The following VPS8 variants were observed in gnomAD, a reference collection of about 807,000 sequenced individuals.
VPS8 encodes the protein vacuolar protein sorting-associated protein 8 homolog.
VPS8 carries 129 observed loss-of-function variants against 216.4 expected under a neutral mutation model. That is an observed-to-expected ratio of 0.60 (90% confidence interval 0.52 to 0.69). The LOEUF (loss-of-function observed/expected upper bound fraction) is 0.69, where lower values mean the gene tolerates loss of function less well. Ranked by LOEUF, VPS8 falls within the 30% of genes least tolerant of loss-of-function variation. VPS8 has a pLI of 0.00. For synonymous variants in VPS8, 571 were observed against 565.4 expected, an observed-to-expected ratio of 1.01 and a Z score of -0.14; for missense variants, 1,531 against 1,683.5, an observed-to-expected ratio of 0.91 and a Z score of 1.59.
intron 45 of VPS8, among the ~76,000 whole-genome samples, chr3:185,016,672 C>A (rs1274426869): frequency 1.3e-5 from 2 of 152,178 alleles, no homozygotes; most frequent in Non-Finnish European, 2.9e-5. Context: ...GCTGTAATGT[C>A]CCCATTGGTT....
At chr3:184,820,282 C>G (rs776633907) in intron 1 of VPS8, among the ~76,000 whole-genome samples, 2 of 152,162 alleles carry the variant, frequency 1.3e-5, no homozygotes, top group African/African-American at 2.4e-5. Flanking sequence ...GTTTCCTTGT[C>G]TTTCGCAGCT....
chr3:185,011,527 G>T (rs951328951), intron 45 of VPS8, among the ~76,000 whole-genome samples: 1 of 152,208 alleles, frequency 6.6e-6, no homozygotes, highest in South Asian at 2.1e-4. Flanking sequence ...TTTCCAAATT[G>T]TGTACAGACA....
chr3:185,013,746 C>T (rs946037379), intron 45 of VPS8, among the ~76,000 whole-genome samples: 1 of 152,208 alleles, frequency 6.6e-6, no homozygotes, highest in African/African-American at 2.4e-5. Context: ...ATAATAGGAA[C>T]TCTTACCGTA....
chr3:184,961,009 G>A (rs1245372444), intron 37 of VPS8, among the ~76,000 whole-genome samples: 1 of 152,158 alleles, frequency 6.6e-6, no homozygotes, highest in Admixed American at 6.5e-5. Context: ...TATCGATCAA[G>A]CATGATAGGA....
chr3:184,847,459 A>G (rs927231200), intron 8 of VPS8, among the ~76,000 whole-genome samples: 2 of 152,216 alleles, frequency 1.3e-5, no homozygotes, highest in East Asian at 3.8e-4. Context: ...GCATTAAGCA[A>G]GGTGCTTTGG....
intron 28 of VPS8, among the ~76,000 whole-genome samples, chr3:184,917,085 G>A (rs1737726008): frequency 6.6e-6 from 1 of 152,166 alleles, no homozygotes; most frequent in African/African-American, 2.4e-5. Flanking sequence ...AGTACAGGAT[G>A]CTATAGGAAC....
intron 45 of VPS8, among the ~76,000 whole-genome samples, chr3:185,015,884 A>G (rs1295405663): frequency 6.6e-6 from 1 of 152,226 alleles, no homozygotes; most frequent in Non-Finnish European, 1.5e-5. Flanking sequence ...AGTATGTGGA[A>G]GAAAAAGCCA....
At chr3:184,880,540 G>A (rs181242804) in intron 21 of VPS8, among the ~76,000 whole-genome samples, 2 of 152,262 alleles carry the variant, frequency 1.3e-5, no homozygotes, top group East Asian at 1.9e-4. Context: ...GTATGGATGA[G>A]CCACAGTTTG....
chr3:184,955,138 C>T (rs1372044900), intron 36 of VPS8, among the ~76,000 whole-genome samples: 1 of 152,126 alleles, frequency 6.6e-6, no homozygotes, highest in African/African-American at 2.4e-5. Context: ...TCAGGGAACA[C>T]TCTGCTCCAC....
In VPS8 at chr3:185,052,142, C is replaced by A; in HGVS notation, c.*117C>A. On this transcript the variant is annotated 3_prime_UTR_variant, in exon 48 of 48. Transcript: ENST00000625842. ...CTCCCACGCTTCTGAGAAGAGGTTC[C>A]AAATTGGGCTTCTGTGCCCAGAGCG... 3 of 1,243,532 alleles carry A rather than the reference C, an allele frequency of 2.4e-6. No homozygotes were observed. The highest frequency in any genetic ancestry group is 2.2e-6 in the Non-Finnish European group (2 of 928,102). The allele number at this position is 1,243,532 out of a possible 1,614,324, so 77.0% of individuals were successfully genotyped here.
intron 30 of VPS8, among the ~76,000 whole-genome samples, chr3:184,926,026 C>T (rs562189847): frequency 4.6e-5 from 7 of 150,756 alleles, no homozygotes; most frequent in East Asian, 4.0e-4. Context: ...CCGCCCTCCT[C>T]GGCCTCCCAA....
At chr3:184,927,241 A>G (rs929225179) in intron 31 of VPS8, among the ~76,000 whole-genome samples, 2 of 152,168 alleles carry the variant, frequency 1.3e-5, no homozygotes, top group African/African-American at 2.4e-5. Flanking sequence ...AAGAGAGTCA[A>G]CCCATTTTGT....
At position 185,050,712 on chromosome 3, in the gene VPS8, G is replaced by A. The variant is rs1714030929; in HGVS notation, c.4138-1164G>A. ...AAAGACACTTGATACAGTCACCAGA[G>A]GTTGTTAGACATCCCCTCGGACTCC... is the stretch of plus-strand genomic sequence containing the variant. On this transcript the variant is annotated intron_variant, in intron 47 of 47. Transcript: ENST00000625842. Among the ~76,000 whole-genome samples, 4 of 152,328 alleles carry A rather than the reference G, an allele frequency of 2.6e-5. No individual in the cohort carries two copies. In the South Asian group the frequency reaches 8.3e-4, roughly 32 times the overall value.
chr3:185,043,579 A>G (rs1241555734), intron 46 of VPS8, among the ~76,000 whole-genome samples: 1 of 152,204 alleles, frequency 6.6e-6, no homozygotes, highest in African/African-American at 2.4e-5. Flanking sequence ...CAAAACTGTC[A>G]TGACATTGTA....
chr3:184,863,374 A>G (rs1170560059), intron 16 of VPS8, among the ~76,000 whole-genome samples: 2 of 152,228 alleles, frequency 1.3e-5, no homozygotes, highest in Non-Finnish European at 2.9e-5. Flanking sequence ...AATTGTAAAA[A>G]TCAAAATATT....
intron 21 of VPS8, among the ~76,000 whole-genome samples, chr3:184,871,823 A>G (rs1407841954): frequency 6.6e-6 from 1 of 152,178 alleles, no homozygotes; most frequent in African/African-American, 2.4e-5. Context: ...CTATCTTTTC[A>G]TATTCTATTT....
intron 41 of VPS8, 95 bp downstream of exon 41, chr3:184,982,742 G>A (rs745995935): frequency 3.8e-6 from 4 of 1,039,868 alleles, no homozygotes; most frequent in Non-Finnish European, 4.2e-6. Flanking sequence ...TTTTCCAATA[G>A]CATATTCTTA....
At chr3:185,010,319 A>G (rs978887858) in intron 45 of VPS8, among the ~76,000 whole-genome samples, 4 of 152,240 alleles carry the variant, frequency 2.6e-5, no homozygotes, top group East Asian at 1.9e-4. Context: ...ACCCAACAAG[A>G]TAGAATCCAC....
At chr3:184,881,472 A>G (rs916824786) in intron 21 of VPS8, among the ~76,000 whole-genome samples, 7 of 152,090 alleles carry the variant, frequency 4.6e-5, no homozygotes, top group African/African-American at 1.7e-4. Context: ...TATATAGTGA[A>G]TCTAATTCTA....
Sources: gnomAD v4.1 joint callset for allele counts (sites outside exome capture counted in the v4.1 genomes callset) on GRCh38, gnomAD v4.1.1 for gene constraint, MANE v1.5 for transcripts, NCBI Gene and HGNC (gene_info 2026-07-23, HGNC 2026-07-21) for gene names.